The following GTPBP1 variants were observed in gnomAD, a reference collection of about 807,000 sequenced individuals.
GTPBP1 encodes GTP binding protein 1.
A neutral mutation model predicts 62.0 loss-of-function variants in GTPBP1; 23 were observed. The ratio of observed to expected loss-of-function variants is 0.37; its 90% confidence interval spans 0.27 to 0.53. The LOEUF (loss-of-function observed/expected upper bound fraction) is 0.53. Among genes scored for constraint, GTPBP1 ranks in the 20% least tolerant of loss-of-function variants. The pLI, the probability that GTPBP1 is intolerant of heterozygous loss-of-function variation, is 0.89. For synonymous variants in GTPBP1, 344 were observed against 364.4 expected (o/e 0.94, Z 0.64); for missense variants, 640 against 917.3 (o/e 0.70, Z 3.90).
At chr22:38,741,996 T>C (rs1449917007), downstream of GTPBP1, among the ~76,000 whole-genome samples, 4 of 151,780 alleles carry the variant, frequency 2.6e-5, no homozygotes, top group Non-Finnish European at 4.4e-5. Context: ...CAAAATTAGC[T>C]GGATGTGGTG....
chr22:38,739,406 C>T (rs748135590), downstream of GTPBP1: 1 of 1,613,138 alleles, frequency 6.2e-7, no homozygotes, highest in Non-Finnish European at 8.5e-7. The surrounding 1 kb of genome is among the most constrained non-coding windows in gnomAD (Gnocchi z 6.7). Flanking sequence ...GCAGGGCCTG[C>T]TTCACGATGT....
In GTPBP1 at chr22:38,716,155, C is replaced by G; in HGVS notation, c.485+68C>G. ...GAGGTTGGTGACTGAGCCTGTGGCA[C>G]TTGGCGTGTCAGCTCCATCCTTTCC... On this transcript the variant is annotated intron_variant, in intron 3 of 11. Transcript: ENST00000216044. The surrounding 1 kb of genome is among the most constrained non-coding windows in gnomAD (Gnocchi z 5.2). 1 of 1,280,472 alleles carries G rather than the reference C, an allele frequency of 7.8e-7. No individual in the cohort carries two copies. The highest frequency in any genetic ancestry group is 1.1e-6 in the Non-Finnish European group (1 of 903,484). 79.3% of individuals were successfully genotyped at this position (1,280,472 alleles called of 1,614,324 possible). A position where few individuals can be genotyped will look rare whatever the true frequency, so the allele number is the denominator to read the frequency against.
chr22:38,729,978 T>C (rs1177794603), intron 11 of GTPBP1, among the ~76,000 whole-genome samples: 1 of 152,220 alleles, frequency 6.6e-6, no homozygotes, highest in Non-Finnish European at 1.5e-5. Context: ...CAAGTATTGC[T>C]GGTGTGAGTG....
downstream of GTPBP1, chr22:38,738,025 C>T: frequency 1.3e-6 from 1 of 767,274 alleles, no homozygotes; most frequent in Non-Finnish European, 2.3e-6. This position sits in a 1 kb window ranked among gnomAD's most constrained non-coding sequence, Gnocchi z 6.6. Context: ...TGTTACACCC[C>T]ATTTGGATAT....
chr22:38,708,483 G>A (rs569760370), intron 1 of GTPBP1, among the ~76,000 whole-genome samples: 8 of 152,316 alleles, frequency 5.3e-5, no homozygotes, highest in Middle Eastern at 3.4e-3. Context: ...GATGCCAACT[G>A]CAGGTAGAAG....
chr22:38,733,966 A>AGAT (rs1165379063), downstream of GTPBP1, among the ~76,000 whole-genome samples: 6 of 152,214 alleles, frequency 3.9e-5, no homozygotes, highest in African/African-American at 1.4e-4. Flanking sequence ...TCCTTTGTTT[A>AGAT]GATGGCGTCA....
In GTPBP1 at chr22:38,721,729, T is replaced by C; in HGVS notation, c.835-13T>C. On this transcript the variant is annotated splice_polypyrimidine_tract_variant and intron_variant, in intron 4 of 11. Coordinates refer to ENST00000216044, the MANE Select transcript of GTPBP1 (RefSeq NM_004286.5). The stretch of plus-strand genomic sequence containing the variant: ...CTCTCTCGTCCTGACACTTCCTTTC[T>C]GTGTTGGGGCAGGTGGGCAGCAATG... 3 of 1,607,554 alleles carry C rather than the reference T, an allele frequency of 1.9e-6. No individual in the cohort carries two copies. Among genetic ancestry groups the C allele is most frequent in the Non-Finnish European group, 1.7e-6 (2 of 1,175,200 alleles).
downstream of GTPBP1, chr22:38,741,370 A>G: frequency 1.0e-6 from 1 of 994,298 alleles, no homozygotes; most frequent in South Asian, 1.4e-5. Context: ...AAGTCAGAGG[A>G]GGGCACTCCC....
chr22:38,731,010 T>TTGTGTGTGTGTGTGTGTGTG lies in GTPBP1; in HGVS notation c.*327_*346dup, dbSNP rs397836314. 39 of 183,764 alleles carry TTGTGTGTGTGTGTGTGTGTG rather than the reference T, an allele frequency of 2.1e-4. No individual in the cohort carries two copies. The highest frequency in any genetic ancestry group is 3.1e-4 in the East Asian group (2 of 6,374). The allele number at this position is 183,764 out of a possible 1,614,324, so 11.4% of individuals were successfully genotyped here. ...TATTATATGTCTCTGTCTCTCTCTATTGTGTGTGTGTGTGTGTGTGTGTGT... is the reference window on the plus strand; with the variant it reads ...TATTATATGTCTCTGTCTCTCTCTATTGTGTGTGTGTGTGTGTGTGTGTGTGTGTGTGTGTGTGTGTGTGT... On this transcript the variant is annotated 3_prime_UTR_variant, in exon 12 of 12. Transcript: ENST00000216044.
At chr22:38,709,308 T>C (rs1181786369) in intron 2 of GTPBP1, among the ~76,000 whole-genome samples, 1 of 151,790 alleles carries the variant, frequency 6.6e-6, no homozygotes, top group African/African-American at 2.4e-5. Flanking sequence ...AAAAAAGAAA[T>C]TATTTAGAGC....
At chr22:38,736,155 G>C (rs544657139), downstream of GTPBP1, 32 of 1,042,354 alleles carry the variant, frequency 3.1e-5, no homozygotes, top group African/African-American at 1.3e-4. Context: ...GGGGCCACAG[G>C]CTCCTCTCTT....
downstream of GTPBP1, chr22:38,740,955 G>C (rs960357116): frequency 4.5e-6 from 7 of 1,543,340 alleles, no homozygotes; most frequent in Non-Finnish European, 6.2e-6. The surrounding 1 kb of genome is among the most constrained non-coding windows in gnomAD (Gnocchi z 4.8). Flanking sequence ...TGCCTGGAGA[G>C]TGGGTGGGGC....
downstream of GTPBP1, chr22:38,742,650 G>T: frequency 6.8e-7 from 1 of 1,463,284 alleles, no homozygotes; most frequent in South Asian, 1.3e-5. Flanking sequence ...GAAAGAAAGG[G>T]AAAAGATTCC....
chr22:38,719,284 G>A (rs965745191), intron 4 of GTPBP1, among the ~76,000 whole-genome samples: 1 of 152,148 alleles, frequency 6.6e-6, no homozygotes, highest in African/African-American at 2.4e-5. Flanking sequence ...TGAGATTATA[G>A]GCGTGAGCCA....
At chr22:38,722,946 G>T (rs878968508) in intron 5 of GTPBP1, 1 of 931,902 alleles carries the variant, frequency 1.1e-6, no homozygotes, top group Non-Finnish European at 1.8e-6. Flanking sequence ...ATTGGGGTCA[G>T]TTATGAAGAG....
Position 38,727,605 on chromosome 22 carries a change from CGCT to C in GTPBP1, c.1537+261_1537+263del, listed in dbSNP as rs2092733877. ...CAATCCTTCAGCAAGGTCTGCTGAA[CGCT>C]GCTATGTGCCCAGCGGTGTTGCTAA... On this transcript the variant is annotated intron_variant, in intron 9 of 11. Transcript: ENST00000216044. This position sits in a 1 kb window ranked among gnomAD's most constrained non-coding sequence, Gnocchi z 6.5. 6.6e-6 allele frequency among the ~76,000 whole-genome samples: 1 copy of C among 152,176 alleles called. No individual in the cohort carries two copies. Among genetic ancestry groups the C allele is most frequent in the Non-Finnish European group, 1.5e-5 (1 of 68,038 alleles).
chr22:38,738,463 C>T (rs1389914420), downstream of GTPBP1: 3 of 1,351,890 alleles, frequency 2.2e-6, no homozygotes, highest in Non-Finnish European at 3.1e-6. The surrounding 1 kb of genome is among the most constrained non-coding windows in gnomAD (Gnocchi z 6.6). Flanking sequence ...CACCCTAGCT[C>T]CTCCTCTTCC....
At chr22:38,728,221 T>A in intron 10 of GTPBP1, 60 bp downstream of exon 10, 1 of 1,200,238 alleles carries the variant, frequency 8.3e-7, no homozygotes, top group Non-Finnish European at 1.2e-6. Context: ...TCCTGTTCTG[T>A]GACCCTGAGT....
intron 5 of GTPBP1, 128 bp from the exon 6 acceptor site, chr22:38,724,169 T>G: frequency 3.1e-6 from 2 of 647,116 alleles, no homozygotes; most frequent in Non-Finnish European, 2.8e-6. Context: ...CATTGTGGCA[T>G]TTAACACTGG....
Sources: gnomAD v4.1 joint callset for allele counts (sites outside exome capture counted in the v4.1 genomes callset) on GRCh38, gnomAD v4.1.1 for gene constraint, Gnocchi (gnomAD v3.1) non-coding constraint, MANE v1.5 for transcripts, NCBI Gene and HGNC (gene_info 2026-07-23, HGNC 2026-07-21) for gene names.